The following MCTP2 variants were observed in gnomAD, a reference collection of about 807,000 sequenced individuals.
MCTP2 encodes multiple C2 and transmembrane domain-containing protein 2.
Under a neutral mutation model 111.6 loss-of-function variants are expected in MCTP2, and 132 were observed. The observed-to-expected ratio is 1.18, with a 90% CI of 1.03 to 1.37. MCTP2 has a LOEUF of 1.37. Ranked by LOEUF, MCTP2 falls within the 40% of genes most tolerant of loss-of-function variation. The pLI is 0.00. For missense variants in MCTP2, 1,183 were observed against 1,067.9 expected (o/e 1.11, Z -1.50); for synonymous variants, 395 against 387.7 (o/e 1.02, Z -0.22).
At chr15:94,380,700 A>T (rs1329483599) in intron 12 of MCTP2, among the ~76,000 whole-genome samples, 2 of 151,904 alleles carry the variant, frequency 1.3e-5, no homozygotes, top group African/African-American at 4.8e-5. Context: ...CCCAGGAGGC[A>T]GAGGCTGCAG....
intron 1 of MCTP2, among the ~76,000 whole-genome samples, chr15:94,261,259 C>CAAGTCATAGGTG (rs1456572628): frequency 6.6e-6 from 1 of 152,174 alleles, no homozygotes; most frequent in Non-Finnish European, 1.5e-5. Flanking sequence ...GTCATCAGGA[C>CAAGTCATAGGTG]CTTCTGAGGC....
chr15:94,469,666 G>A (rs911613171), intron 20 of MCTP2, among the ~76,000 whole-genome samples: 5 of 152,060 alleles, frequency 3.3e-5, no homozygotes, highest in African/African-American at 1.2e-4. Context: ...CCAGGAGTTC[G>A]AGACTAGCCT....
Position 94,442,572 on chromosome 15 carries a change from G to A in MCTP2, c.2209-347G>A, listed in dbSNP as rs571318219. ...AATGAGCCCAGCACTAGTGGAGTATGGTATTCTCAGCCTTAACGTAGCAGT... is the reference window on the plus strand; with the variant it reads ...AATGAGCCCAGCACTAGTGGAGTATAGTATTCTCAGCCTTAACGTAGCAGT... On this transcript the variant is annotated intron_variant, in intron 18 of 22. Coordinates refer to ENST00000357742, the MANE Select transcript of MCTP2 (RefSeq NM_001385001.1). Among the ~76,000 whole-genome samples the A allele has an allele frequency of 3.3e-5, 5 of 152,322 alleles. No individual in the cohort carries two copies. In the South Asian group the frequency reaches 1.0e-3, roughly 32 times the overall value.
chr15:94,444,295 C>T (rs1217982622), intron 19 of MCTP2, among the ~76,000 whole-genome samples: 2 of 152,226 alleles, frequency 1.3e-5, no homozygotes, highest in African/African-American at 4.8e-5. Flanking sequence ...CCCTAGAGCA[C>T]CTCCATGTGT....
At chr15:94,454,850 T>C (rs1355040585) in intron 19 of MCTP2, among the ~76,000 whole-genome samples, 2 of 152,226 alleles carry the variant, frequency 1.3e-5, no homozygotes, top group Non-Finnish European at 2.9e-5. Flanking sequence ...AGGTGGAGTC[T>C]CGCTCTGTGG....
chr15:94,456,421 G>T (rs1287548367), intron 19 of MCTP2, among the ~76,000 whole-genome samples: 2 of 152,184 alleles, frequency 1.3e-5, no homozygotes, highest in African/African-American at 4.8e-5. Context: ...ACCTAAACTG[G>T]ATGCTGCCGA....
At chr15:94,436,561 T>C (rs1369792212) in intron 17 of MCTP2, among the ~76,000 whole-genome samples, 2 of 152,170 alleles carry the variant, frequency 1.3e-5, no homozygotes, top group East Asian at 3.9e-4. Flanking sequence ...ATTTTTGTTG[T>C]AAAACATTTC....
intron 1 of MCTP2, among the ~76,000 whole-genome samples, chr15:94,239,496 G>A (rs1443105987): frequency 6.6e-6 from 1 of 152,156 alleles, no homozygotes; most frequent in Non-Finnish European, 1.5e-5. Flanking sequence ...TTTGTTGTTG[G>A]AACAGGCCCA....
At chr15:94,280,419 T>G (rs1243365441) in intron 1 of MCTP2, among the ~76,000 whole-genome samples, 1 of 151,664 alleles carries the variant, frequency 6.6e-6, no homozygotes, top group African/African-American at 2.4e-5. Flanking sequence ...TCGAGGGTTT[T>G]TTTTTTTTTT....
intron 4 of MCTP2, among the ~76,000 whole-genome samples, chr15:94,316,963 C>T (rs1013358289): frequency 6.6e-6 from 1 of 152,034 alleles, no homozygotes; most frequent in Non-Finnish European, 1.5e-5. Flanking sequence ...CTTAGGTTTT[C>T]TTTTTCATTT....
chr15:94,438,896 A>G (rs904524593), intron 17 of MCTP2, among the ~76,000 whole-genome samples: 5 of 152,124 alleles, frequency 3.3e-5, no homozygotes, highest in Non-Finnish European at 7.4e-5. Flanking sequence ...TATCCTTCTG[A>G]ACAGTTTAAC....
At chr15:94,440,057 G>T (rs2083689000) in intron 17 of MCTP2, 119 bp from the exon 18 acceptor site, 6 of 1,173,994 alleles carry the variant, frequency 5.1e-6, no homozygotes, top group Non-Finnish European at 7.3e-6. Flanking sequence ...GTTTGGAAAT[G>T]TTTCTGAATG....
intron 1 of MCTP2, among the ~76,000 whole-genome samples, chr15:94,272,943 T>A (rs1023270609): frequency 6.6e-6 from 1 of 152,222 alleles, no homozygotes; most frequent in Non-Finnish European, 1.5e-5. Context: ...CCCTCTCTCT[T>A]TGCTTCACAA....
At chr15:94,327,772 C>T (rs1181895282) in intron 4 of MCTP2, among the ~76,000 whole-genome samples, 1 of 152,216 alleles carries the variant, frequency 6.6e-6, no homozygotes. Flanking sequence ...TACATATCAT[C>T]ACCGGACATG....
chr15:94,445,556 C>A lies in MCTP2; in HGVS notation c.2250+2596C>A, dbSNP rs569442054. On this transcript the variant is annotated intron_variant, in intron 19 of 22. Transcript: ENST00000357742. Reference sequence around the variant, plus strand: ...CTTCAACTTTCAGACTTTTTGAGTGCACATACACATATGTATTACGACACT... The same window carrying A: ...CTTCAACTTTCAGACTTTTTGAGTGAACATACACATATGTATTACGACACT... 4.4e-4 allele frequency among the ~76,000 whole-genome samples: 67 copies of A among 152,226 alleles called. No homozygotes were observed. The South Asian group carries it at 0.014, about 31-fold the overall frequency.
At chr15:94,301,833 C>CTTTTTTTT (rs59217006) in intron 2 of MCTP2, among the ~76,000 whole-genome samples, 1 of 129,180 alleles carries the variant, frequency 7.7e-6, no homozygotes, top group African/African-American at 2.8e-5. Flanking sequence ...ATCATTTCTG[C>CTTTTTTTT]TTTTTTTTTT....
intron 1 of MCTP2, among the ~76,000 whole-genome samples, chr15:94,258,542 T>C (rs1221668606): frequency 1.3e-5 from 2 of 152,208 alleles, no homozygotes; most frequent in Non-Finnish European, 2.9e-5. Flanking sequence ...AGATCCTTTA[T>C]TGAAATTAAT....
chr15:94,455,818 C>A (rs1380695703), intron 19 of MCTP2, among the ~76,000 whole-genome samples: 1 of 151,916 alleles, frequency 6.6e-6, no homozygotes, highest in Non-Finnish European at 1.5e-5. Flanking sequence ...CAATTTCGTG[C>A]AATATTAGAA....
At chr15:94,257,609 C>T (rs1241364939) in intron 1 of MCTP2, among the ~76,000 whole-genome samples, 8 of 33,168 alleles carry the variant, frequency 2.4e-4, no homozygotes, top group African/African-American at 4.5e-4. Flanking sequence ...TTTTTTGAGA[C>T]GGAGTCTTGC....
Sources: gnomAD v4.1 joint callset for allele counts (sites outside exome capture counted in the v4.1 genomes callset) on GRCh38, gnomAD v4.1.1 for gene constraint, MANE v1.5 for transcripts, NCBI Gene and HGNC (gene_info 2026-07-23, HGNC 2026-07-21) for gene names.